Variants in SEC16A observed in about 807,000 individuals in gnomAD.
SEC16A encodes SEC16 homolog A, endoplasmic reticulum export factor.
A neutral mutation model predicts 221.9 loss-of-function variants in SEC16A; 110 were observed. The ratio of observed to expected loss-of-function variants is 0.50; its 90% CI spans 0.42 to 0.58. The LOEUF (loss-of-function observed/expected upper bound fraction) is 0.58. Ranked by LOEUF, SEC16A falls within the 20% of genes least tolerant of loss-of-function variation. SEC16A has a pLI of 0.00. For missense variants in SEC16A, 3,165 were observed against 3,097.8 expected (o/e 1.02, Z -0.52); for synonymous variants, 1,393 against 1,257.7 (o/e 1.11, Z -2.28).
intron 1 of SEC16A, among the ~76,000 whole-genome samples, chr9:136,479,681 T>C (rs1447162810): frequency 1.3e-5 from 2 of 152,148 alleles, no homozygotes; most frequent in Non-Finnish European, 2.9e-5. Context: ...ATGTATATTA[T>C]TTTGGTCTCT....
chr9:136,455,993 T>C (rs1838601938), intron 19 of SEC16A, 60 bp downstream of exon 19: 1 of 1,381,420 alleles, frequency 7.2e-7, no homozygotes, highest in Middle Eastern at 1.9e-4. Flanking sequence ...AGTGTGGAAA[T>C]GACAGGGACA....
At chr9:136,477,717 T>C in intron 2 of SEC16A, 33 bp from the exon 3 acceptor site, 1 of 1,433,952 alleles carries the variant, frequency 7.0e-7, no homozygotes, top group Non-Finnish European at 9.1e-7. Flanking sequence ...CAGCATAAAA[T>C]CCATATATTC....
upstream of SEC16A, chr9:136,484,694 G>C: frequency 7.3e-7 from 1 of 1,366,542 alleles, no homozygotes; most frequent in South Asian, 1.1e-5. Context: ...GCCGCAGGCG[G>C]TGCAGGGAGA....
In SEC16A at chr9:136,459,362, A is replaced by AT; in HGVS notation, c.5303+81dup. ...GACAAATAAAGACATGATTCTGGCC[A>AT]TTTCTGAATTCACTAAAGGAGAAGG... On this transcript the variant is annotated intron_variant, in intron 16 of 31. Coordinates refer to ENST00000684901, the MANE Select transcript of SEC16A (RefSeq NM_014866.2). This position sits in a 1 kb window ranked among gnomAD's most constrained non-coding sequence, Gnocchi z 6.1. The AT allele has an allele frequency of 7.1e-7, 1 of 1,403,226 alleles. No homozygotes were observed. Among genetic ancestry groups the AT allele is most frequent in the South Asian group, 1.3e-5 (1 of 79,626 alleles). 86.9% of individuals were successfully genotyped at this position (1,403,226 alleles called of 1,614,324 possible). A position where few individuals can be genotyped will look rare whatever the true frequency, so the allele number is the denominator to read the frequency against.
rs1173214045 is a variant in SEC16A, at chr9:136,475,883, G to C, written c.1733C>G (p.Thr578Ser). 1 of 1,604,736 alleles carries C rather than the reference G, an allele frequency of 6.2e-7. No homozygotes were observed. The highest frequency in any genetic ancestry group is 1.1e-5 in the South Asian group (1 of 89,744). The change falls in exon 3 of 32, where the codon ACC (threonine) becomes AGC (serine). Residue 578 changes from threonine (T) to serine (S), a missense_variant. Around this residue, in one of 3 missense-constraint regions of SEC16A, gnomAD observed 2,030 missense variants for 1,923.1 expected, o/e 1.06. Transcript: ENST00000684901. The surrounding 1 kb of genome is among the most constrained non-coding windows in gnomAD (Gnocchi z 5.0). ...GCCACGGTAATTCTGGCTCACAGTG[G>C]TCTCGTCTGTTTCACCTCCTACGGG... is the stretch of plus-strand genomic sequence containing the variant. ...SSPVGGETDE[T>S]TVSQNYRGSV...
At chr9:136,445,916 C>T (rs1836910277) in intron 28 of SEC16A, among the ~76,000 whole-genome samples, 197 bp from the exon 29 acceptor site, 1 of 152,196 alleles carries the variant, frequency 6.6e-6, no homozygotes, top group Admixed American at 6.5e-5. Context: ...ACCCCTGCAG[C>T]TCTCTACCAG....
At chr9:136,455,470 G>T in intron 20 of SEC16A, 131 bp downstream of exon 20, 3 of 833,710 alleles carry the variant, frequency 3.6e-6, no homozygotes, top group Non-Finnish European at 5.4e-6. Context: ...AACCACCGAG[G>T]TGGTGTGAGA....
In SEC16A at chr9:136,474,331, G is replaced by C. The variant is rs780625887; in HGVS notation, c.3285C>G (p.Asn1095Lys). Residue 1095 changes from asparagine (N) to lysine (K), a missense_variant, in exon 3 of 32, where the codon AAC becomes AAG. This residue lies in a region of SEC16A where 2,030 missense variants were observed against 1,923.1 expected (regional missense o/e 1.06). Transcript: ENST00000684901. ...CCAGACTTGCTGGTGACTGTGCTGA[G>C]TTCTGGGCCTGTCCCTGTGCGGGCA... ...ESLPAQGQAQNSAQSPASLVL... is the reference protein window; with the variant it reads ...ESLPAQGQAQKSAQSPASLVL... 1.2e-6 allele frequency: 2 copies of C among 1,612,304 alleles called. No individual in the cohort carries two copies. The highest frequency in any genetic ancestry group is 1.7e-6 in the Non-Finnish European group (2 of 1,179,530).
chr9:136,466,903 C>T lies in SEC16A; in HGVS notation c.3929+54G>A, dbSNP rs1485941176. On this transcript the variant is annotated intron_variant, in intron 6 of 31. Transcript: ENST00000684901. The surrounding 1 kb of genome is among the most constrained non-coding windows in gnomAD (Gnocchi z 5.5). Reference sequence around the variant, plus strand: ...ACCCAGACATGAGGGCAGAGAAGCACTAGCGCGCCCTGGCTGCCCCCAGCC... The same window carrying T: ...ACCCAGACATGAGGGCAGAGAAGCATTAGCGCGCCCTGGCTGCCCCCAGCC... The T allele has an allele frequency of 2.5e-6, 4 of 1,572,606 alleles. No homozygotes were observed. The highest frequency in any genetic ancestry group is 2.3e-5 in the East Asian group (1 of 43,260).
rs771510889 is a variant in SEC16A at position 136,445,030 on chromosome 9, G to A, written c.6927+22C>T. ...GGCACACGCCAGCTCTCATGTTAGTGAGGACCACCAGCCGCAGGTACCTGA... is the reference window on the plus strand; with the variant it reads ...GGCACACGCCAGCTCTCATGTTAGTAAGGACCACCAGCCGCAGGTACCTGA... On this transcript the variant is annotated intron_variant, in intron 30 of 31. Transcript: ENST00000684901. 8.8e-6 allele frequency: 14 copies of A among 1,597,318 alleles called. No individual in the cohort carries two copies. In the Admixed American group the frequency reaches 2.2e-4, roughly 26 times the overall value.
At chr9:136,484,315 G>T (rs1384532802), upstream of SEC16A, 8 of 1,094,020 alleles carry the variant, frequency 7.3e-6, no homozygotes. Context: ...GCGCTCCTGT[G>T]CCTGCCACGG....
At chr9:136,479,148 T>A (rs1217320696) in intron 1 of SEC16A, among the ~76,000 whole-genome samples, 2 of 152,246 alleles carry the variant, frequency 1.3e-5, no homozygotes, top group African/African-American at 4.8e-5. Context: ...AAAACCTCCA[T>A]CAGTTTTTAA....
At position 136,474,616 on chromosome 9, in the gene SEC16A, C is replaced by G. The variant is rs1841375086; in HGVS notation, c.3000G>C (p.Arg1000Ser). 1 of 1,612,996 alleles carries G rather than the reference C, an allele frequency of 6.2e-7. No homozygotes were observed. The highest frequency in any genetic ancestry group is 1.7e-5 in the Admixed American group (1 of 59,974). ...ACACGTTTACAGGATTTTCCAAAGT[C>G]CTGCTTAAGGTAAAGTCTAGGGCTC... The part of the protein sequence containing the change: ...TYGALDFTLS[R>S]TLENPVNVYN... Residue 1000 changes from arginine (R) to serine (S), a missense_variant, in exon 3 of 32, where the codon AGG (arginine) becomes AGC (serine). Physicochemically the swap from Arg to Ser is moderately radical, Grantham distance 110. This residue lies in a region of SEC16A where 2,030 missense variants were observed against 1,923.1 expected (regional missense o/e 1.06). Coordinates refer to ENST00000684901, the MANE Select transcript of SEC16A (RefSeq NM_014866.2).
chr9:136,454,776 T>C (rs1838371486), intron 20 of SEC16A, among the ~76,000 whole-genome samples: 1 of 152,214 alleles, frequency 6.6e-6, no homozygotes, highest in Non-Finnish European at 1.5e-5. Flanking sequence ...ACAAAAGAAA[T>C]GCTGGGTCCT....
Position 136,447,244 on chromosome 9 carries a change from AAGT to A in SEC16A, c.6677_6679del (p.Asn2226_Leu2227delinsMet). 1 of 1,596,412 alleles carries A rather than the reference AAGT, an allele frequency of 6.3e-7. No homozygotes were observed. The highest frequency in any genetic ancestry group is 8.5e-7 in the Non-Finnish European group (1 of 1,172,310). On this transcript the variant is annotated inframe_deletion, in exon 27 of 32. Transcript: ENST00000684901. This position sits in a 1 kb window ranked among gnomAD's most constrained non-coding sequence, Gnocchi z 5.5. ...CTACCTACCTGGGGTTGGCACGAAC[AAGT>A]TAGAAGGAATTGGGAGTGGCGCGAG...
At chr9:136,449,018 T>C (rs1837425832) in intron 23 of SEC16A, among the ~76,000 whole-genome samples, 1 of 152,246 alleles carries the variant, frequency 6.6e-6, no homozygotes, top group South Asian at 2.1e-4. Context: ...AATGTGCATT[T>C]TGTTCTGTGT....
In SEC16A at chr9:136,459,486, G is replaced by T; in HGVS notation, c.5261C>A (p.Thr1754Lys). 1 of 1,608,136 alleles carries T rather than the reference G, an allele frequency of 6.2e-7. No individual in the cohort carries two copies. Among genetic ancestry groups the T allele is most frequent in the Non-Finnish European group, 8.5e-7 (1 of 1,177,022 alleles). ...TAAGACAAGCTTTGTAGTTTTCTTCGTGTAAACACCAAATCCCGCCTGGGC... is the reference window on the plus strand; with the variant it reads ...TAAGACAAGCTTTGTAGTTTTCTTCTTGTAAACACCAAATCCCGCCTGGGC... ...LMAQAGFGVY[T>K]KKTTKLVLIG... Residue 1754 changes from threonine to lysine, a missense_variant, in exon 16 of 32, where the codon ACG (threonine) becomes AAG (lysine). Coordinates refer to ENST00000684901, the MANE Select transcript of SEC16A (RefSeq NM_014866.2). The surrounding 1 kb of genome is among the most constrained non-coding windows in gnomAD (Gnocchi z 6.1).
intron 8 of SEC16A, 100 bp downstream of exon 8, chr9:136,465,862 A>G (rs1288925752): frequency 1.6e-6 from 2 of 1,270,346 alleles, no homozygotes; most frequent in African/African-American, 1.5e-5. Flanking sequence ...CCAGGACATC[A>G]CAATTCCAAT....
intron 31 of SEC16A, 55 bp from the exon 32 acceptor site, chr9:136,441,878 GCT>G: frequency 1.3e-6 from 2 of 1,504,298 alleles, no homozygotes; most frequent in Non-Finnish European, 1.8e-6. Flanking sequence ...GGTGAGCAGT[GCT>G]CGGCTGCAGC....
Sources: gnomAD v4.1 joint callset for allele counts (sites outside exome capture counted in the v4.1 genomes callset) on GRCh38, gnomAD v4.1.1 for gene constraint, gnomAD v4.1.1 regional missense constraint, Gnocchi (gnomAD v3.1) non-coding constraint, MANE v1.5 for transcripts, NCBI Gene and HGNC (gene_info 2026-07-23, HGNC 2026-07-21) for gene names.